The following ADGRG7 variants were observed in gnomAD, a reference collection of about 807,000 sequenced individuals.
ADGRG7 encodes G-protein coupled receptor 128.
Under a neutral mutation model 88.6 loss-of-function variants are expected in ADGRG7, and 82 were observed. The observed-to-expected ratio is 0.93, with a 90% CI of 0.77 to 1.11. ADGRG7 has a LOEUF of 1.11. ADGRG7 is among the 50% of genes most tolerant of loss of function. The pLI is 0.00. For missense variants in ADGRG7, 945 were observed against 953.4 expected, an observed-to-expected ratio of 0.99 and a Z score of 0.12; for synonymous variants, 381 against 345.2, an observed-to-expected ratio of 1.10 and a Z score of -1.15.
At chr3:100,675,363 TG>T (rs1216685859) in intron 15 of ADGRG7, among the ~76,000 whole-genome samples, 2 of 152,358 alleles carry the variant, frequency 1.3e-5, no homozygotes, top group Non-Finnish European at 2.9e-5. Flanking sequence ...ATGTGGGTTT[TG>T]TCCTTCATTG....
chr3:100,632,449 G>A (rs1207067112), intron 3 of ADGRG7, among the ~76,000 whole-genome samples: 3 of 151,984 alleles, frequency 2.0e-5, no homozygotes, highest in Non-Finnish European at 4.4e-5. Context: ...AATGATTTTT[G>A]AGTGGGGATA....
rs73147027 is a variant in ADGRG7 at position 100,694,036 on chromosome 3, G to C, written c.2137-708G>C. Among the ~76,000 whole-genome samples, 138 of 152,306 alleles carry C rather than the reference G, an allele frequency of 9.1e-4. 1 individual carries two copies. In the Middle Eastern group the frequency reaches 0.017, roughly 19 times the overall value. On this transcript the variant is annotated intron_variant, in intron 15 of 15. Coordinates refer to ENST00000273352, the MANE Select transcript of ADGRG7 (RefSeq NM_032787.3). The stretch of plus-strand genomic sequence containing the variant: ...TCCACTGAGTACTGGTTGGGTGATC[G>C]TGGACAAACTACTTAGTTTATCTGA...
intron 3 of ADGRG7, among the ~76,000 whole-genome samples, chr3:100,631,290 A>G (rs1559673378): frequency 6.6e-6 from 1 of 152,090 alleles, no homozygotes; most frequent in East Asian, 1.9e-4. Context: ...GCTTCATTCT[A>G]CTTTTCTTAA....
chr3:100,618,178 C>G (rs1370661425), intron 1 of ADGRG7, among the ~76,000 whole-genome samples: 1 of 152,184 alleles, frequency 6.6e-6, no homozygotes, highest in East Asian at 1.9e-4. Context: ...CCTGTTCACT[C>G]TGATGGTAGT....
chr3:100,674,579 C>CTTT (rs34582443), intron 15 of ADGRG7, among the ~76,000 whole-genome samples: 1 of 128,796 alleles, frequency 7.8e-6, no homozygotes, highest in African/African-American at 2.8e-5. Flanking sequence ...TTCTTAATTC[C>CTTT]TTTTTTTTTT....
intron 15 of ADGRG7, among the ~76,000 whole-genome samples, chr3:100,691,554 G>A (rs1421803640): frequency 1.3e-5 from 2 of 151,720 alleles, no homozygotes; most frequent in Non-Finnish European, 1.5e-5. Context: ...AAATTATTTT[G>A]AAACAATTTT....
At chr3:100,689,359 A>T (rs966182017) in intron 15 of ADGRG7, among the ~76,000 whole-genome samples, 1 of 152,082 alleles carries the variant, frequency 6.6e-6, no homozygotes, top group African/African-American at 2.4e-5. Flanking sequence ...TTTTAATTGG[A>T]GCATTTAGCC....
chr3:100,677,391 T>A (rs904700093), intron 15 of ADGRG7, among the ~76,000 whole-genome samples: 1 of 152,108 alleles, frequency 6.6e-6, no homozygotes, highest in Non-Finnish European at 1.5e-5. Flanking sequence ...TCTATTTATA[T>A]CTTATTATAC....
rs527817522 is a variant in ADGRG7, at chr3:100,619,592, C to A, written c.115+9621C>A. 3.6e-3 allele frequency among the ~76,000 whole-genome samples: 546 copies of A among 152,144 alleles called. 5 individuals carry two copies. The highest frequency in any genetic ancestry group is 5.4e-3 in the Non-Finnish European group (364 of 68,000). ...CTGAAGGAAATAAAGACACAAAAAACCCTTCAAAAAATCAATGAATCCAGG... is the reference window on the plus strand; with the variant it reads ...CTGAAGGAAATAAAGACACAAAAAAACCTTCAAAAAATCAATGAATCCAGG... On this transcript the variant is annotated intron_variant, in intron 1 of 15. Transcript: ENST00000273352.
At chr3:100,688,911 C>T (rs548967652) in intron 15 of ADGRG7, among the ~76,000 whole-genome samples, 30 of 152,208 alleles carry the variant, frequency 2.0e-4, no homozygotes, top group Admixed American at 1.0e-3. Flanking sequence ...TGCAGAGCCG[C>T]GTTCAATTCC....
chr3:100,669,743 A>G (rs1418185165), intron 15 of ADGRG7, among the ~76,000 whole-genome samples: 2 of 152,020 alleles, frequency 1.3e-5, no homozygotes, highest in Non-Finnish European at 2.9e-5. Flanking sequence ...CAATTAAATT[A>G]TTATTGACTG....
chr3:100,690,875 AC>A (rs1576342655), intron 15 of ADGRG7, among the ~76,000 whole-genome samples: 3 of 152,148 alleles, frequency 2.0e-5, no homozygotes, highest in Admixed American at 2.0e-4. Context: ...TGCTGGGAGA[AC>A]CACTACTCTC....
At chr3:100,658,509 C>A (rs1404804928) in intron 13 of ADGRG7, among the ~76,000 whole-genome samples, 1 of 152,152 alleles carries the variant, frequency 6.6e-6, no homozygotes, top group Non-Finnish European at 1.5e-5. Flanking sequence ...TTGTATCTTT[C>A]CACTAACGTT....
chr3:100,622,264 A>ATTTTTTTTTTTTTTTTTTTTTTTCTT (rs57699713), intron 1 of ADGRG7, among the ~76,000 whole-genome samples: 1 of 130,912 alleles, frequency 7.6e-6, no homozygotes, highest in African/African-American at 3.0e-5. Flanking sequence ...CTCTATATTC[A>ATTTTTTTTTTTTTTTTTTTTTTTCTT]TTTTTTTTTT....
rs1707480491 is a variant in ADGRG7 at position 100,633,248 on chromosome 3, A to T, written c.335-17A>T. The T allele has an allele frequency of 5.5e-6, 7 of 1,274,584 alleles. No homozygotes were observed. The Middle Eastern group carries it at 6.1e-4, about 111-fold the overall frequency. 79.0% of individuals were successfully genotyped at this position (1,274,584 alleles called of 1,614,324 possible). ...AATAAATACTTATTTTTAATAAAAAATTTCTTTGTATTAAAGCGGGCAATC... is the reference window on the plus strand; with the variant it reads ...AATAAATACTTATTTTTAATAAAAATTTTCTTTGTATTAAAGCGGGCAATC... On this transcript the variant is annotated splice_polypyrimidine_tract_variant and intron_variant, in intron 3 of 15. Coordinates refer to ENST00000273352, the MANE Select transcript of ADGRG7 (RefSeq NM_032787.3).
Position 100,609,788 on chromosome 3 carries a change from T to A in ADGRG7, c.-69T>A. On this transcript the variant is annotated 5_prime_UTR_variant, in exon 1 of 16. Coordinates refer to ENST00000273352, the MANE Select transcript of ADGRG7 (RefSeq NM_032787.3). ...GTTTTAGAATAGTTTCCGATTAAAC[T>A]TTTTAGCTCAAGAAGAAAAGAAGCT... 1 of 1,217,110 alleles carries A rather than the reference T, an allele frequency of 8.2e-7. No homozygotes were observed. Among genetic ancestry groups the A allele is most frequent in the Non-Finnish European group, 1.2e-6 (1 of 826,190 alleles). 75.4% of individuals were successfully genotyped at this position (1,217,110 alleles called of 1,614,324 possible). A position where few individuals can be genotyped will look rare whatever the true frequency, so the allele number is the denominator to read the frequency against.
intron 1 of ADGRG7, among the ~76,000 whole-genome samples, chr3:100,610,599 C>T (rs1350675315): frequency 6.6e-6 from 1 of 152,024 alleles, no homozygotes; most frequent in Non-Finnish European, 1.5e-5. Flanking sequence ...AAAAGGAGGA[C>T]GTGGGAGGGG....
intron 11 of ADGRG7, among the ~76,000 whole-genome samples, chr3:100,650,215 A>C (rs2094926990): frequency 6.6e-6 from 1 of 152,234 alleles, no homozygotes; most frequent in African/African-American, 2.4e-5. Context: ...AACGTTTTTC[A>C]AAAATATAGT....
intron 15 of ADGRG7, among the ~76,000 whole-genome samples, chr3:100,689,522 C>T (rs1300790018): frequency 6.6e-6 from 1 of 152,180 alleles, no homozygotes; most frequent in Non-Finnish European, 1.5e-5. Context: ...CCGGTTATTC[C>T]TTTCCATATT....
Sources: gnomAD v4.1 joint callset for allele counts (sites outside exome capture counted in the v4.1 genomes callset) on GRCh38, gnomAD v4.1.1 for gene constraint, MANE v1.5 for transcripts, NCBI Gene and HGNC (gene_info 2026-07-23, HGNC 2026-07-21) for gene names.